CEP170: variants seen among roughly 807,000 people sequenced by gnomAD.
CEP170 encodes centrosomal protein 170, also known as centrosomal protein of 170 kDa.
A neutral mutation model predicts 151.9 loss-of-function variants in CEP170; 21 were observed. The ratio of observed to expected loss-of-function variants is 0.14; its 90% CI spans 0.10 to 0.20. The LOEUF (loss-of-function observed/expected upper bound fraction) is 0.20. CEP170 is among the 10% of genes least tolerant of loss of function. The pLI, the probability that CEP170 is intolerant of heterozygous loss-of-function variation, is 1.00. For synonymous variants in CEP170, 356 were observed against 648.8 expected, an observed-to-expected ratio of 0.55 and a Z score of 6.86; for missense variants, 964 against 1,892.9, an observed-to-expected ratio of 0.51 and a Z score of 9.11.
At chr1:243,235,073 T>C (rs2064132947) in intron 1 of CEP170, among the ~76,000 whole-genome samples, 1 of 152,164 alleles carries the variant, frequency 6.6e-6, no homozygotes, top group African/African-American at 2.4e-5. Context: ...TGTTTCTTCA[T>C]TCACAAGTAG....
intron 1 of CEP170, among the ~76,000 whole-genome samples, chr1:243,233,208 A>G (rs1265847164): frequency 1.3e-5 from 2 of 152,224 alleles, no homozygotes; most frequent in African/African-American, 4.8e-5. Flanking sequence ...CCAGCATCAC[A>G]GTTCCATTTA....
intron 17 of CEP170, among the ~76,000 whole-genome samples, chr1:243,131,852 A>T (rs1378557362): frequency 6.6e-6 from 1 of 152,246 alleles, no homozygotes; most frequent in Non-Finnish European, 1.5e-5. Context: ...ATTAAGTTAA[A>T]ATACTTTTGA....
chr1:243,175,411 G>A (rs547715155), intron 10 of CEP170, among the ~76,000 whole-genome samples: 2 of 152,262 alleles, frequency 1.3e-5, no homozygotes, highest in African/African-American at 2.4e-5. Flanking sequence ...TTTTGATAGC[G>A]TTTTGAAAAA....
intron 17 of CEP170, among the ~76,000 whole-genome samples, chr1:243,133,783 C>T (rs1343703629): frequency 6.6e-6 from 1 of 152,128 alleles, no homozygotes; most frequent in African/African-American, 2.4e-5. Flanking sequence ...GATGGAGTCA[C>T]TAGGGGAAAA....
chr1:243,243,932 C>A (rs567769007), intron 1 of CEP170, among the ~76,000 whole-genome samples: 1 of 152,200 alleles, frequency 6.6e-6, no homozygotes, highest in African/African-American at 2.4e-5. Flanking sequence ...TACCTGTTTA[C>A]AGAAACACCT....
intron 14 of CEP170, among the ~76,000 whole-genome samples, chr1:243,148,148 C>T (rs925005065): frequency 6.6e-6 from 1 of 152,068 alleles, no homozygotes; most frequent in Non-Finnish European, 1.5e-5. Flanking sequence ...CACTATACTC[C>T]AGCCTGGGCA....
At chr1:243,203,000 A>G (rs2061159840) in intron 4 of CEP170, among the ~76,000 whole-genome samples, 1 of 152,152 alleles carries the variant, frequency 6.6e-6, no homozygotes, top group Non-Finnish European at 1.5e-5. Context: ...GAGAGGAGCC[A>G]TCCTTCTCAG....
At chr1:243,248,961 T>G (rs1393314960) in intron 1 of CEP170, among the ~76,000 whole-genome samples, 1 of 152,184 alleles carries the variant, frequency 6.6e-6, no homozygotes, top group Non-Finnish European at 1.5e-5. Context: ...CTCAGATACC[T>G]ACAAGATGCT....
At chr1:243,235,276 G>A (rs1227442156) in intron 1 of CEP170, among the ~76,000 whole-genome samples, 1 of 152,082 alleles carries the variant, frequency 6.6e-6, no homozygotes, top group Admixed American at 6.6e-5. Context: ...GGTGGTCTAC[G>A]GAAATATCTT....
At chr1:243,126,786 T>C (rs1184556998) in intron 19 of CEP170, 48 bp from the exon 20 acceptor site, 6 of 1,503,418 alleles carry the variant, frequency 4.0e-6, no homozygotes, top group Non-Finnish European at 4.5e-6. Context: ...TACATTCACA[T>C]ATAAACACTG....
At chr1:243,220,474 A>C (rs2062697463) in intron 3 of CEP170, among the ~76,000 whole-genome samples, 1 of 152,238 alleles carries the variant, frequency 6.6e-6, no homozygotes, top group Non-Finnish European at 1.5e-5. Flanking sequence ...CAACAGGAAA[A>C]CATGCCTACA....
At chr1:243,225,983 C>CTAGATATATACACGTATATATATCTAGA (rs2063189283) in intron 1 of CEP170, among the ~76,000 whole-genome samples, 1 of 142,556 alleles carries the variant, frequency 7.0e-6, no homozygotes, top group African/African-American at 2.8e-5. Context: ...ATCTATCTAT[C>CTAGATATATACACGTATATATATCTAGA]TATATATATA....
chr1:243,255,602 T>C (rs2066566181), upstream of CEP170, among the ~76,000 whole-genome samples: 1 of 152,228 alleles, frequency 6.6e-6, no homozygotes, highest in Non-Finnish European at 1.5e-5. Flanking sequence ...GATTTAGAGC[T>C]TCTATTTCTT....
In CEP170 at chr1:243,186,242, A is replaced by G; in HGVS notation, c.1272+17T>C. On this transcript the variant is annotated intron_variant, in intron 9 of 19. Coordinates refer to ENST00000366542, the MANE Select transcript of CEP170 (RefSeq NM_014812.3). ...GTCTTCATCAAAGAATGCAATCATA[A>G]AAGCAGTTTGACTTACAACAGCTTG... 6.2e-7 allele frequency: 1 copy of G among 1,613,688 alleles called. No individual in the cohort carries two copies. Among genetic ancestry groups the G allele is most frequent in the Non-Finnish European group, 8.5e-7 (1 of 1,179,640 alleles).
intron 17 of CEP170, among the ~76,000 whole-genome samples, chr1:243,131,833 A>G (rs1470025537): frequency 6.6e-6 from 1 of 152,262 alleles, no homozygotes; most frequent in African/African-American, 2.4e-5. Context: ...TTCATTCAAT[A>G]ATTTAAGAAT....
At chr1:243,216,623 C>T (rs948709727) in intron 3 of CEP170, among the ~76,000 whole-genome samples, 25 of 152,062 alleles carry the variant, frequency 1.6e-4, no homozygotes, top group Middle Eastern at 3.4e-3. Context: ...TTGTAATATG[C>T]CATAAAATAA....
intron 11 of CEP170, among the ~76,000 whole-genome samples, chr1:243,170,493 G>C (rs1201458685): frequency 6.6e-6 from 1 of 152,156 alleles, no homozygotes; most frequent in Non-Finnish European, 1.5e-5. Context: ...AAGAATAGTA[G>C]GTAAGAATAG....
chr1:243,178,308 C>CAAAA lies in CEP170; in HGVS notation c.1567-5466_1567-5463dup, dbSNP rs869094317. Among the ~76,000 whole-genome samples, 115 of 30,422 alleles carry CAAAA rather than the reference C, an allele frequency of 3.8e-3. 20 individuals carry two copies. The highest frequency in any genetic ancestry group is 0.018 in the African/African-American group (112 of 6,118). The allele number at this position is 30,422 out of a possible 152,430, so 20.0% of individuals were successfully genotyped here. On this transcript the variant is annotated intron_variant, in intron 10 of 19. Coordinates refer to ENST00000366542, the MANE Select transcript of CEP170 (RefSeq NM_014812.3). ...TGGGCAACAGAGCGAGACTCTGCCT[C>CAAAA]AAAAAAAAAAAAAAAAAAAAAAAAA... is the stretch of plus-strand genomic sequence containing the variant.
At chr1:243,156,647 A>G (rs1166764411) in intron 13 of CEP170, 192 bp from the exon 14 acceptor site, 3 of 475,346 alleles carry the variant, frequency 6.3e-6, no homozygotes, top group East Asian at 6.6e-5. Context: ...TCGGTGAATT[A>G]AAAACAATGA....
Sources: allele counts gnomAD v4.1 joint callset (sites outside exome capture counted in the v4.1 genomes callset), GRCh38; gene constraint gnomAD v4.1.1; transcripts MANE v1.5; gene names NCBI Gene and HGNC (gene_info 2026-07-23, HGNC 2026-07-21).